CTSS: variants seen among roughly 807,000 people sequenced by gnomAD.
CTSS encodes cathepsin S.
In CTSS, 15 loss-of-function variants were observed where a neutral mutation model predicts 39.9. That is an observed-to-expected ratio of 0.38 (90% CI 0.25 to 0.58). CTSS has a LOEUF of 0.58. CTSS is among the 20% of genes least tolerant of loss of function. The pLI is 0.70. For missense variants in CTSS, 250 were observed against 398.2 expected, an observed-to-expected ratio of 0.63 and a Z score of 3.17; for synonymous variants, 126 against 138.2, an observed-to-expected ratio of 0.91 and a Z score of 0.62.
At chr1:150,763,016 A>T (rs1419688937) in intron 2 of CTSS, among the ~76,000 whole-genome samples, 1 of 152,178 alleles carries the variant, frequency 6.6e-6, no homozygotes, top group African/African-American at 2.4e-5. Flanking sequence ...ATACGGAATC[A>T]ACCTTATAAA....
chr1:150,741,185 A>G (rs1311344306), intron 7 of CTSS, among the ~76,000 whole-genome samples: 1 of 152,024 alleles, frequency 6.6e-6, no homozygotes, highest in African/African-American at 2.4e-5. Flanking sequence ...AAATTTGTTT[A>G]TAGAGACTGG....
intron 7 of CTSS, among the ~76,000 whole-genome samples, chr1:150,740,427 C>T (rs587682103): frequency 2.6e-5 from 4 of 152,000 alleles, no homozygotes; most frequent in East Asian, 1.9e-4. Context: ...TCTGTCACCC[C>T]GGCTGGAGTG....
chr1:150,761,671 T>C (rs1653266879), intron 2 of CTSS, among the ~76,000 whole-genome samples: 1 of 151,720 alleles, frequency 6.6e-6, no homozygotes, highest in Non-Finnish European at 1.5e-5. Flanking sequence ...GCAGAGGTTG[T>C]GGTGAGCAGA....
intron 2 of CTSS, among the ~76,000 whole-genome samples, chr1:150,760,221 G>A (rs1653224416): frequency 6.6e-6 from 1 of 152,130 alleles, no homozygotes; most frequent in African/African-American, 2.4e-5. Flanking sequence ...TAAAGGGTGT[G>A]GGTGAGGGTG....
At chr1:150,745,589 G>A (rs1229072403) in intron 7 of CTSS, among the ~76,000 whole-genome samples, 1 of 152,116 alleles carries the variant, frequency 6.6e-6, no homozygotes. Flanking sequence ...TTGAGCCCAG[G>A]AGTTTGAGGT....
chr1:150,741,276 G>A (rs1029329033), intron 7 of CTSS, among the ~76,000 whole-genome samples: 4 of 152,112 alleles, frequency 2.6e-5, no homozygotes, highest in Admixed American at 2.6e-4. Flanking sequence ...AGAGTTATAA[G>A]CATGAGCTTA....
At chr1:150,746,661 GA>G (rs1258708281) in intron 7 of CTSS, among the ~76,000 whole-genome samples, 4 of 152,168 alleles carry the variant, frequency 2.6e-5, no homozygotes, top group African/African-American at 9.7e-5. Context: ...TACTTCTGAA[GA>G]AAAGGAGAAG....
chr1:150,737,094 T>C (rs945972004), intron 7 of CTSS, among the ~76,000 whole-genome samples: 1 of 152,142 alleles, frequency 6.6e-6, no homozygotes, highest in Non-Finnish European at 1.5e-5. Context: ...TGGACTCAAG[T>C]AGAGTCCATC....
chr1:150,763,255 G>A (rs1653301775), intron 2 of CTSS, among the ~76,000 whole-genome samples: 1 of 152,158 alleles, frequency 6.6e-6, no homozygotes, highest in African/African-American at 2.4e-5. Context: ...CATAAAAGTA[G>A]AGAGTAGAAT....
chr1:150,744,622 T>A (rs1458358684), intron 7 of CTSS, among the ~76,000 whole-genome samples: 1 of 105,286 alleles, frequency 9.5e-6, no homozygotes, highest in Non-Finnish European at 1.9e-5. Flanking sequence ...TTATATATTA[T>A]GTATATTATA....
chr1:150,763,826 G>A (rs1457564720), intron 2 of CTSS, among the ~76,000 whole-genome samples: 2 of 152,110 alleles, frequency 1.3e-5, no homozygotes, highest in Non-Finnish European at 1.5e-5. Context: ...ACACTATGTG[G>A]GTATTAACGC....
At chr1:150,736,170 A>G (rs1406245876) in intron 7 of CTSS, among the ~76,000 whole-genome samples, 1 of 152,210 alleles carries the variant, frequency 6.6e-6, no homozygotes, top group African/African-American at 2.4e-5. Context: ...CGGCCAGGCT[A>G]TTATTAATAT....
chr1:150,752,140 T>C, intron 4 of CTSS, 132 bp from the exon 5 acceptor site: 1 of 833,584 alleles, frequency 1.2e-6, no homozygotes, highest in South Asian at 1.8e-5. Flanking sequence ...CCCACTACAG[T>C]TTCCTTCTGT....
At position 150,757,910 on chromosome 1, in the gene CTSS, T is replaced by A. The variant is rs780126564; in HGVS notation, c.197A>T (p.His66Leu). 5.6e-6 allele frequency: 9 copies of A among 1,613,970 alleles called. No individual in the cohort carries two copies. ...LKFVMLHNLEHSMGMHSYDLG... is the reference protein window; with the variant it reads ...LKFVMLHNLELSMGMHSYDLG... ...ATCGTATGAGTGCATTCCCATTGAA[T>A]GCTCCAGGTTGTGAAGCATCACAAA... Residue 66 changes from histidine to leucine, a missense_variant, in exon 3 of 8, where the codon CAT becomes CTT. His to Leu is a moderately conservative substitution (Grantham distance 99). Coordinates refer to ENST00000368985, the MANE Select transcript of CTSS (RefSeq NM_004079.5).
At chr1:150,751,146 G>A (rs1044893978) in intron 5 of CTSS, among the ~76,000 whole-genome samples, 1 of 152,114 alleles carries the variant, frequency 6.6e-6, no homozygotes, top group Non-Finnish European at 1.5e-5. Context: ...TTCTCAGTGG[G>A]TGGAAGAATG....
chr1:150,741,204 A>G (rs1180820753), intron 7 of CTSS, among the ~76,000 whole-genome samples: 1 of 151,002 alleles, frequency 6.6e-6, no homozygotes, highest in African/African-American at 2.4e-5. Context: ...GGGTCTCCCT[A>G]TGTTTCTGGT....
intron 2 of CTSS, 141 bp from the exon 3 acceptor site, chr1:150,758,121 C>T: frequency 1.5e-6 from 1 of 676,880 alleles, no homozygotes; most frequent in Non-Finnish European, 2.4e-6. Context: ...ACGATCTCAG[C>T]TTACTTCAAC....
At chr1:150,735,990 C>T (rs1480371272) in intron 7 of CTSS, among the ~76,000 whole-genome samples, 1 of 151,942 alleles carries the variant, frequency 6.6e-6, no homozygotes, top group Non-Finnish European at 1.5e-5. Flanking sequence ...GATCTCCTGA[C>T]CTTGTGATCT....
chr1:150,738,993 G>A (rs1175943435), intron 7 of CTSS, among the ~76,000 whole-genome samples: 1 of 151,988 alleles, frequency 6.6e-6, no homozygotes, highest in African/African-American at 2.4e-5. Context: ...ACAAGAGTTC[G>A]AGACCAGCCT....
Sources: allele counts gnomAD v4.1 joint callset (sites outside exome capture counted in the v4.1 genomes callset), GRCh38; gene constraint gnomAD v4.1.1; transcripts MANE v1.5; gene names NCBI Gene and HGNC (gene_info 2026-07-23, HGNC 2026-07-21).